The following RIC1 variants were observed in gnomAD, a reference collection of about 807,000 sequenced individuals.
The protein encoded by RIC1 is RIC1 partner of RAB6A GEF complex, also known as guanine nucleotide exchange factor subunit RIC1.
RIC1 carries 88 observed loss-of-function variants against 169.0 expected under a neutral mutation model. The ratio of observed to expected loss-of-function variants is 0.52; its 90% CI spans 0.44 to 0.62. The LOEUF (loss-of-function observed/expected upper bound fraction) is 0.62. Among genes scored for constraint, RIC1 ranks in the 20% least tolerant of loss-of-function variants. RIC1 has a pLI of 0.00. For synonymous variants in RIC1, 790 were observed against 601.5 expected (o/e 1.31, Z -4.59); for missense variants, 1,877 against 1,725.5 (o/e 1.09, Z -1.56).
At position 5,745,914 on chromosome 9, in the gene RIC1, C is replaced by T. The variant is rs1427591596; in HGVS notation, c.1096-17C>T. ...TTTATTGCTCTGACTTTTTTTCTCC[C>T]TCCTCTTCTCTCTAAGAGCTGGGGT... On this transcript the variant is annotated splice_polypyrimidine_tract_variant and intron_variant, in intron 10 of 25. Coordinates refer to ENST00000414202, the MANE Select transcript of RIC1 (RefSeq NM_020829.4). 2 of 1,602,018 alleles carry T rather than the reference C, an allele frequency of 1.2e-6. No individual in the cohort carries two copies. The highest frequency in any genetic ancestry group is 1.7e-6 in the Non-Finnish European group (2 of 1,172,162).
At position 5,775,462 on chromosome 9, in the gene RIC1, C is replaced by A. The variant is rs1332335986; in HGVS notation, c.*1216C>A. ...ACAGTATTAAGACAGCTTGTTTGTA[C>A]TGTGCAATTTGAACAAGGAATGCAA... On this transcript the variant is annotated 3_prime_UTR_variant, in exon 26 of 26. Coordinates refer to ENST00000414202, the MANE Select transcript of RIC1 (RefSeq NM_020829.4). The A allele has an allele frequency of 1.3e-5, 2 of 152,068 alleles. No individual in the cohort carries two copies. The highest frequency in any genetic ancestry group is 2.9e-5 in the Non-Finnish European group (2 of 67,990). The allele number at this position is 152,068 out of a possible 1,614,324, so 9.4% of individuals were successfully genotyped here.
At chr9:5,686,838 G>C (rs1050701691) in intron 2 of RIC1, among the ~76,000 whole-genome samples, 2 of 152,034 alleles carry the variant, frequency 1.3e-5, no homozygotes, top group African/African-American at 4.8e-5. Context: ...GTCTTTGTCT[G>C]GTTTTGTTAT....
At position 5,629,534 on chromosome 9, in the gene RIC1, C is replaced by T. The variant is rs1817614365; in HGVS notation, c.144+81C>T. ...TCCCACCCCCAACTTCCACCCAGAG[C>T]CTAGGACTCCTGCCCCTTCGTGCCA... On this transcript the variant is annotated intron_variant, in intron 1 of 25. Transcript: ENST00000414202. The T allele has an allele frequency of 1.7e-5, 24 of 1,405,176 alleles. No homozygotes were observed. The South Asian group carries it at 2.8e-4, about 16-fold the overall frequency. 87.0% of individuals were successfully genotyped at this position (1,405,176 alleles called of 1,614,324 possible). A position where few individuals can be genotyped will look rare whatever the true frequency, so the allele number is the denominator to read the frequency against.
chr9:5,769,495 C>T, intron 22 of RIC1: 2 of 1,384,686 alleles, frequency 1.4e-6, no homozygotes, highest in Non-Finnish European at 1.9e-6. Flanking sequence ...TCTAATCATA[C>T]TTGGATTATA....
chr9:5,662,591 A>C (rs1043731945), intron 2 of RIC1, among the ~76,000 whole-genome samples: 4 of 152,072 alleles, frequency 2.6e-5, no homozygotes, highest in African/African-American at 9.7e-5. Context: ...CCAGAAAAGT[A>C]TCCATTTCTT....
intron 7 of RIC1, among the ~76,000 whole-genome samples, chr9:5,735,763 C>G (rs1487540450): frequency 6.6e-6 from 1 of 152,192 alleles, no homozygotes; most frequent in Non-Finnish European, 1.5e-5. Context: ...TTTTAACAAC[C>G]TTCCTGTTAA....
rs1414119124 is a variant in RIC1 at position 5,762,625 on chromosome 9, GAGA to G, written c.2080_2082del (p.Lys694del). On this transcript the variant is annotated inframe_deletion, in exon 18 of 26. Transcript: ENST00000414202. Reference sequence around the variant, plus strand: ...GGACAGGTCAGGCCCACAGATCCGGGAGAAGGACAGTAACCCTAATAACCAAAG... The same window carrying G: ...GGACAGGTCAGGCCCACAGATCCGGGAGGACAGTAACCCTAATAACCAAAG... 6.2e-7 allele frequency: 1 copy of G among 1,614,010 alleles called. No homozygotes were observed. Among genetic ancestry groups the G allele is most frequent in the Non-Finnish European group, 8.5e-7 (1 of 1,179,936 alleles).
At chr9:5,746,956 G>C (rs1381365713) in intron 11 of RIC1, among the ~76,000 whole-genome samples, 1 of 152,036 alleles carries the variant, frequency 6.6e-6, no homozygotes, top group Non-Finnish European at 1.5e-5. Flanking sequence ...TAATTTAAAA[G>C]CACCCTTGAG....
rs748261588 is a variant in RIC1, at chr9:5,757,433, C to T, written c.1974C>T (p.Thr658=). The T allele has an allele frequency of 6.2e-7, 1 of 1,614,014 alleles. No individual in the cohort carries two copies. The highest frequency in any genetic ancestry group is 1.3e-5 in the African/African-American group (1 of 75,042). ...LTSVSTENGI[T]LKMPQQARGA... is the part of the protein sequence containing the mutation. Reference sequence around the variant, plus strand: ...CAGTGAGTACAGAGAATGGAATCACCTTGAAAATGCCACAGCAGGTACCAC... The same window carrying T: ...CAGTGAGTACAGAGAATGGAATCACTTTGAAAATGCCACAGCAGGTACCAC... The change falls in exon 17 of 26, where the codon ACC becomes ACT. Residue 658 remains threonine, a synonymous_variant. Transcript: ENST00000414202.
chr9:5,757,224 C>A, intron 16 of RIC1, 89 bp from the exon 17 acceptor site: 4 of 1,417,168 alleles, frequency 2.8e-6, no homozygotes, highest in South Asian at 1.2e-5. Context: ...CTTCCATAAG[C>A]ATGAAATCTA....
At chr9:5,700,731 G>C (rs529575763) in intron 3 of RIC1, among the ~76,000 whole-genome samples, 2 of 152,116 alleles carry the variant, frequency 1.3e-5, no homozygotes, top group South Asian at 4.1e-4. Flanking sequence ...TTCTGCACAA[G>C]TGCACACTAA....
chr9:5,706,454 A>G (rs949707589), intron 3 of RIC1, among the ~76,000 whole-genome samples: 5 of 152,174 alleles, frequency 3.3e-5, no homozygotes, highest in Non-Finnish European at 5.9e-5. Flanking sequence ...CTGTCTCAAA[A>G]AAAAGGAATG....
At chr9:5,653,195 C>T (rs942135221) in intron 1 of RIC1, among the ~76,000 whole-genome samples, 1 of 152,112 alleles carries the variant, frequency 6.6e-6, no homozygotes, top group Non-Finnish European at 1.5e-5. Flanking sequence ...TGTCTTTTCT[C>T]TGTTGTACTT....
chr9:5,766,576 A>AT (rs1192461236), intron 21 of RIC1, among the ~76,000 whole-genome samples: 4 of 152,110 alleles, frequency 2.6e-5, no homozygotes, highest in African/African-American at 9.7e-5. Context: ...TAGCTCCCAC[A>AT]TATCAGTGAG....
chr9:5,680,990 C>A (rs28881472), intron 2 of RIC1, among the ~76,000 whole-genome samples: 1 of 150,626 alleles, frequency 6.6e-6, no homozygotes, highest in Non-Finnish European at 1.5e-5. Flanking sequence ...CCACGCCCGG[C>A]TAATTTTTTG....
intron 8 of RIC1, 71 bp from the exon 9 acceptor site, chr9:5,742,798 G>GAAAAAAAA: frequency 2.5e-5 from 26 of 1,022,414 alleles, no homozygotes; most frequent in South Asian, 1.3e-4. Context: ...GATTGTATTT[G>GAAAAAAAA]AAAAAAAAAA....
intron 12 of RIC1, among the ~76,000 whole-genome samples, chr9:5,749,852 C>T (rs1563948543): frequency 7.4e-6 from 1 of 135,350 alleles, no homozygotes; most frequent in Non-Finnish European, 1.5e-5. Flanking sequence ...GATCTCAGCT[C>T]ACTGCAACCT....
At chr9:5,658,353 A>AG (rs1390715690) in intron 2 of RIC1, among the ~76,000 whole-genome samples, 1 of 152,136 alleles carries the variant, frequency 6.6e-6, no homozygotes, top group African/African-American at 2.4e-5. Flanking sequence ...GAATTAAAAA[A>AG]TTTAGCACAG....
chr9:5,700,014 CTTTT>C (rs374631629), intron 3 of RIC1, among the ~76,000 whole-genome samples: 6 of 142,644 alleles, frequency 4.2e-5, no homozygotes, highest in Non-Finnish European at 6.2e-5. Flanking sequence ...AAAATTCCTA[CTTTT>C]TTTTTTTTTT....
Sources: allele counts gnomAD v4.1 joint callset (sites outside exome capture counted in the v4.1 genomes callset), GRCh38; gene constraint gnomAD v4.1.1; transcripts MANE v1.5; gene names NCBI Gene and HGNC (gene_info 2026-07-23, HGNC 2026-07-21).